Variants in MROH7 observed in about 807,000 individuals in gnomAD.
MROH7 encodes the protein maestro heat like repeat family member 7.
Under a neutral mutation model 129.2 loss-of-function variants are expected in MROH7, and 113 were observed. The ratio of observed to expected loss-of-function variants is 0.87; its 90% CI spans 0.75 to 1.02. MROH7 has a LOEUF of 1.02. Among genes scored for constraint, MROH7 ranks in the 50% least tolerant of loss-of-function variants. MROH7 has a pLI of 0.00. For missense variants in MROH7, 1,601 were observed against 1,671.3 expected (o/e 0.96, Z 0.73); for synonymous variants, 655 against 667.9 (o/e 0.98, Z 0.30).
chr1:54,650,717 G>A (rs1431644100), intron 1 of MROH7, among the ~76,000 whole-genome samples: 1 of 146,874 alleles, frequency 6.8e-6, no homozygotes, highest in East Asian at 2.0e-4. Context: ...CATGTTGATC[G>A]CCATCCCGAT....
At position 54,674,231 on chromosome 1, in the gene MROH7, C is replaced by G. The variant is rs766112122; in HGVS notation, c.1936+80C>G. ...GGATTCAATAAAGAATCAGCTGGAG[C>G]CTTGGCATTAAGGCACTGGTGGGAG... On this transcript the variant is annotated intron_variant, in intron 10 of 23. Transcript: ENST00000421030. The G allele has an allele frequency of 1.5e-5, 22 of 1,512,292 alleles. No individual in the cohort carries two copies. The South Asian group carries it at 2.5e-4, about 17-fold the overall frequency. 93.7% of individuals were successfully genotyped at this position (1,512,292 alleles called of 1,614,324 possible).
chr1:54,655,981 C>T (rs1363966876), intron 3 of MROH7, among the ~76,000 whole-genome samples: 1 of 149,946 alleles, frequency 6.7e-6, no homozygotes, highest in African/African-American at 2.5e-5. Flanking sequence ...ACAACCTCCG[C>T]CCCCTGGGTT....
intron 3 of MROH7, chr1:54,663,866 T>C: frequency 6.9e-6 from 3 of 434,404 alleles, no homozygotes; most frequent in South Asian, 5.0e-5. Context: ...AGCTAAGATC[T>C]TGGTGTTGGC....
At chr1:54,655,582 G>A (rs1617647) in intron 3 of MROH7, among the ~76,000 whole-genome samples, 47,357 of 151,358 alleles carry the variant, frequency 0.31, 7,598 homozygotes, top group South Asian at 0.53. Context: ...GCCTTGCTAC[G>A]TTGCCCAGGC....
chr1:54,687,008 C>CTATA (rs1161415457), intron 15 of MROH7, among the ~76,000 whole-genome samples: 1 of 152,094 alleles, frequency 6.6e-6, no homozygotes, highest in Non-Finnish European at 1.5e-5. Flanking sequence ...TCATTACATA[C>CTATA]TATATCTTAG....
chr1:54,704,791 C>CTTT (rs778005467), intron 21 of MROH7, among the ~76,000 whole-genome samples: 2 of 67,270 alleles, frequency 3.0e-5, no homozygotes, highest in Admixed American at 1.6e-4. Flanking sequence ...TTCAATGTAG[C>CTTT]TCTTTTTTTT....
chr1:54,653,658 A>C lies in MROH7; in HGVS notation c.732A>C (p.Thr244=). 2 of 1,614,198 alleles carry C rather than the reference A, an allele frequency of 1.2e-6. No individual in the cohort carries two copies. The highest frequency in any genetic ancestry group is 4.5e-5 in the East Asian group (2 of 44,880). ...CTCATGGGACCCTAATCCCAGACAC[A>C]AATGAGACCATCACTTTGGCTTCAC... ...PDSHGTLIPD[T]NETITLASHN... is the part of the protein sequence containing the mutation. Residue 244 remains threonine (T), a synonymous_variant, in exon 3 of 24, where the codon ACA becomes ACC. Coordinates refer to ENST00000421030, the MANE Select transcript of MROH7 (RefSeq NM_001039464.4).
chr1:54,676,151 G>A (rs1644977087), intron 10 of MROH7, among the ~76,000 whole-genome samples: 1 of 152,154 alleles, frequency 6.6e-6, no homozygotes, highest in African/African-American at 2.4e-5. Flanking sequence ...TGGTTATCCT[G>A]TATGTTATTT....
chr1:54,669,081 C>T (rs1644856437), intron 5 of MROH7, 144 bp downstream of exon 5: 20 of 630,362 alleles, frequency 3.2e-5, no homozygotes, highest in South Asian at 1.2e-4. Context: ...AATTGAGTCT[C>T]AGCTCCACCT....
At position 54,680,038 on chromosome 1, in the gene MROH7, C is replaced by G. The variant is rs373549113; in HGVS notation, c.2374C>G (p.Leu792Val). Residue 792 changes from leucine (L) to valine (V), a missense_variant, in exon 13 of 24, where the codon CTG becomes GTG. Physicochemically the swap from Leu to Val is conservative, Grantham distance 32. Coordinates refer to ENST00000421030, the MANE Select transcript of MROH7 (RefSeq NM_001039464.4). ...GGCCCTGCTCATGTGCCCCCTCCCA[C>G]TGAACAGGTACCAAGTGAAGGGGTT... ...VVALLMCPLP[L>V]NSNGAEMWRQ... The G allele has an allele frequency of 6.2e-7, 1 of 1,613,800 alleles. No homozygotes were observed. Among genetic ancestry groups the G allele is most frequent in the African/African-American group, 1.3e-5 (1 of 74,918 alleles).
At chr1:54,673,251 C>A in intron 8 of MROH7, 65 bp downstream of exon 8, 2 of 1,288,300 alleles carry the variant, frequency 1.6e-6, no homozygotes, top group Admixed American at 1.9e-5. Context: ...GAAATTGGTG[C>A]AGGAGCAGTG....
At chr1:54,695,109 A>T (rs963517479) in intron 16 of MROH7, among the ~76,000 whole-genome samples, 4 of 152,106 alleles carry the variant, frequency 2.6e-5, no homozygotes, top group Non-Finnish European at 4.4e-5. Flanking sequence ...TGTGCAGCTG[A>T]GGGTCTTCAG....
chr1:54,677,334 G>C (rs1263253440), intron 10 of MROH7, among the ~76,000 whole-genome samples: 1 of 152,236 alleles, frequency 6.6e-6, no homozygotes, highest in Non-Finnish European at 1.5e-5. Context: ...AGGAGGCGGA[G>C]GTTGCAGTGA....
At chr1:54,702,846 C>T in intron 21 of MROH7, 101 bp downstream of exon 21, 1 of 1,391,532 alleles carries the variant, frequency 7.2e-7, no homozygotes, top group South Asian at 1.4e-5. Flanking sequence ...ATCCTATTTC[C>T]ATGACCAACT....
intron 10 of MROH7, among the ~76,000 whole-genome samples, chr1:54,677,748 G>A (rs559034254): frequency 9.2e-5 from 14 of 152,336 alleles, no homozygotes; most frequent in East Asian, 1.9e-4. Flanking sequence ...CAGGAAGTGC[G>A]CCTGAAATGT....
intron 7 of MROH7, among the ~76,000 whole-genome samples, chr1:54,671,825 T>C (rs1644908177): frequency 6.6e-6 from 1 of 151,968 alleles, no homozygotes; most frequent in Non-Finnish European, 1.5e-5. Context: ...GGGAGATGGA[T>C]GGTATCAAAT....
At chr1:54,673,868 C>G in intron 9 of MROH7, 63 bp downstream of exon 9, 1 of 1,533,924 alleles carries the variant, frequency 6.5e-7, no homozygotes, top group Non-Finnish European at 9.0e-7. Flanking sequence ...TGAAGGAGCC[C>G]GTACCTCTGT....
At chr1:54,689,650 G>C (rs567720714) in intron 15 of MROH7, among the ~76,000 whole-genome samples, 2 of 152,304 alleles carry the variant, frequency 1.3e-5, no homozygotes, top group South Asian at 4.1e-4. Flanking sequence ...TGGCCTGAGA[G>C]CTTGTCCTGT....
chr1:54,681,245 G>GCAA (rs1300009785), intron 13 of MROH7, among the ~76,000 whole-genome samples: 1 of 152,176 alleles, frequency 6.6e-6, no homozygotes, highest in Non-Finnish European at 1.5e-5. Flanking sequence ...TCTAGGAGCT[G>GCAA]GTCTCTTGGG....
Sources: allele counts gnomAD v4.1 joint callset (sites outside exome capture counted in the v4.1 genomes callset), GRCh38; gene constraint gnomAD v4.1.1; transcripts MANE v1.5; gene names NCBI Gene and HGNC (gene_info 2026-07-23, HGNC 2026-07-21).